C6orf118: variants seen among roughly 807,000 people sequenced by gnomAD.
C6orf118 encodes the protein uncharacterized protein C6orf118.
In C6orf118, 50 loss-of-function variants were observed where a neutral mutation model predicts 50.2. That is an observed-to-expected ratio of 1.00 (90% CI 0.79 to 1.26). C6orf118 has a LOEUF of 1.26. Among genes scored for constraint, C6orf118 ranks in the 50% most tolerant of loss-of-function variants. C6orf118 has a pLI of 0.00. For missense variants in C6orf118, 641 were observed against 578.7 expected, an observed-to-expected ratio of 1.11 and a Z score of -1.10; for synonymous variants, 239 against 230.9, an observed-to-expected ratio of 1.03 and a Z score of -0.32.
At chr6:165,282,285 A>T (rs1779753728) in intron 7 of C6orf118, among the ~76,000 whole-genome samples, 1 of 152,204 alleles carries the variant, frequency 6.6e-6, no homozygotes, top group South Asian at 2.1e-4. Flanking sequence ...AGAACTTCAA[A>T]AATTAATCAA....
intron 1 of C6orf118, among the ~76,000 whole-genome samples, chr6:165,306,935 G>A (rs925315384): frequency 5.9e-5 from 9 of 152,116 alleles, no homozygotes; most frequent in Admixed American, 1.3e-4. Context: ...CTGTGTGTGT[G>A]TGTATCCTGC....
At chr6:165,285,623 A>C (rs1211704188) in intron 7 of C6orf118, among the ~76,000 whole-genome samples, 1 of 152,146 alleles carries the variant, frequency 6.6e-6, no homozygotes, top group Non-Finnish European at 1.5e-5. Flanking sequence ...AAGATTAAGA[A>C]ACTCACTCAA....
intron 1 of C6orf118, among the ~76,000 whole-genome samples, chr6:165,307,278 G>T (rs1325687882): frequency 8.1e-6 from 1 of 123,714 alleles, no homozygotes; most frequent in African/African-American, 3.1e-5. Flanking sequence ...TACAACTCAG[G>T]CTGGGTGCAG....
chr6:165,299,885 T>G lies in C6orf118; in HGVS notation c.877-383A>C, dbSNP rs9457068. ...TTTTAGAAGAGATGGGGTTTCACCA[T>G]GTTGGCCAGGCTGGTCTTGAACTCC... On this transcript the variant is annotated intron_variant, in intron 3 of 8. Coordinates refer to ENST00000230301, the MANE Select transcript of C6orf118 (RefSeq NM_144980.4). Among the ~76,000 whole-genome samples, 1,032 of 152,274 alleles carry G rather than the reference T, an allele frequency of 6.8e-3. 11 individuals are homozygous for G. Among genetic ancestry groups the G allele is most frequent in the African/African-American group, 0.024 (977 of 41,556 alleles).
rs537927273 is a variant in C6orf118 at position 165,299,850 on chromosome 6, A to AT, written c.877-349dup. Among the ~76,000 whole-genome samples the AT allele has an allele frequency of 1.4e-4, 21 of 152,214 alleles. No individual in the cohort carries two copies. The East Asian group carries it at 3.9e-3, about 28-fold the overall frequency. On this transcript the variant is annotated intron_variant, in intron 3 of 8. Transcript: ENST00000230301. ...AGGCATGTGCCACCACGCCCAGCTA[A>AT]TTTTTGTATTTTTAGAAGAGATGGG... is the stretch of plus-strand genomic sequence containing the variant.
At position 165,290,039 on chromosome 6, in the gene C6orf118, T is replaced by C. The variant is rs1413670605; in HGVS notation, c.1149A>G (p.Glu383=). ...SESSEKHIID[E]NRLTLTEKVE... ...CCTTCTCAGTAAGAGTAAGTCGGTT[T>C]TCATCAATTATATGTTTCTCAGATG... The change falls in exon 7 of 9, where the codon GAA becomes GAG. Residue 383 remains glutamate, a synonymous_variant. Transcript: ENST00000230301. 6.2e-7 allele frequency: 1 copy of C among 1,604,090 alleles called. No homozygotes were observed. Among genetic ancestry groups the C allele is most frequent in the Non-Finnish European group, 8.5e-7 (1 of 1,176,134 alleles).
chr6:165,294,393 T>A (rs1780221288), intron 5 of C6orf118, among the ~76,000 whole-genome samples: 1 of 152,092 alleles, frequency 6.6e-6, no homozygotes, highest in Non-Finnish European at 1.5e-5. Flanking sequence ...TTTTATAGAT[T>A]TAAAGAGAAA....
At chr6:165,297,129 C>T (rs1322065446) in intron 5 of C6orf118, among the ~76,000 whole-genome samples, 1 of 152,028 alleles carries the variant, frequency 6.6e-6, no homozygotes, top group Non-Finnish European at 1.5e-5. Context: ...GACCTTAAGA[C>T]CAAATTGGAG....
intron 1 of C6orf118, among the ~76,000 whole-genome samples, chr6:165,306,788 T>A (rs552803152): frequency 6.6e-6 from 1 of 152,274 alleles, no homozygotes; most frequent in Admixed American, 6.5e-5. Context: ...AAATGCTTTT[T>A]CTTTTGATTG....
chr6:165,284,864 C>T (rs1187221449), intron 7 of C6orf118, among the ~76,000 whole-genome samples: 1 of 152,136 alleles, frequency 6.6e-6, no homozygotes. Flanking sequence ...CCAGCCACTA[C>T]AAAAACACAC....
chr6:165,301,345 A>G (rs93927), intron 2 of C6orf118, among the ~76,000 whole-genome samples: 52,864 of 144,832 alleles, frequency 0.37, 11,026 homozygotes, highest in African/African-American at 0.53. Context: ...AGAGCACTGC[A>G]CCCAGAGGCT....
chr6:165,293,084 A>G (rs1200985325), intron 6 of C6orf118: 1 of 271,726 alleles, frequency 3.7e-6, no homozygotes, highest in Non-Finnish European at 7.2e-6. Context: ...TCTAAATTGT[A>G]TACATTCAAA....
chr6:165,297,373 C>A, intron 5 of C6orf118, among the ~76,000 whole-genome samples: 1 of 149,936 alleles, frequency 6.7e-6, no homozygotes. Context: ...CACTGCACTC[C>A]AGCCTGGGCG....
chr6:165,296,929 C>T (rs1780330761), intron 5 of C6orf118, among the ~76,000 whole-genome samples: 2 of 152,180 alleles, frequency 1.3e-5, no homozygotes, highest in African/African-American at 4.8e-5. Context: ...ACAACAACCA[C>T]GAGGGCTTCT....
Position 165,290,028 on chromosome 6 carries a change from G to A in C6orf118, c.1160C>T (p.Thr387Ile), listed in dbSNP as rs1222237476. The A allele has an allele frequency of 1.9e-6, 3 of 1,608,234 alleles. No homozygotes were observed. The highest frequency in any genetic ancestry group is 2.2e-5 in the South Asian group (2 of 89,708). ...CTTCTTTTCAACCTTCTCAGTAAGA[G>A]TAAGTCGGTTTTCATCAATTATATG... ...EKHIIDENRLTLTEKVEKKRC... is the reference protein window; with the variant it reads ...EKHIIDENRLILTEKVEKKRC... The change falls in exon 7 of 9, where the codon ACT (threonine) becomes ATT (isoleucine). Residue 387 changes from threonine (T) to isoleucine (I), a missense_variant. Transcript: ENST00000230301.
chr6:165,281,456 C>G (rs1333501), intron 8 of C6orf118, 184 bp downstream of exon 8: 1,029,381 of 1,317,678 alleles, frequency 0.78, 404,822 homozygotes, highest in South Asian at 0.83. Flanking sequence ...TGCTCTAGTT[C>G]TTTTATCATG....
At chr6:165,285,827 A>G (rs767595557) in intron 7 of C6orf118, among the ~76,000 whole-genome samples, 7 of 152,072 alleles carry the variant, frequency 4.6e-5, no homozygotes, top group Non-Finnish European at 7.4e-5. Flanking sequence ...AAAGCTAGAA[A>G]GATCTCAAAT....
At chr6:165,280,191 A>T in intron 8 of C6orf118, 81 bp from the exon 9 acceptor site, 1 of 984,332 alleles carries the variant, frequency 1.0e-6, no homozygotes, top group Non-Finnish European at 1.5e-6. Context: ...ATAAGCATCT[A>T]TTTTAGACAC....
At chr6:165,297,852 T>C (rs1780364777) in intron 5 of C6orf118, 125 bp downstream of exon 5, 15 of 1,374,974 alleles carry the variant, frequency 1.1e-5, no homozygotes, top group Non-Finnish European at 1.5e-5. Context: ...ACAGGCATGA[T>C]ATTAGCAAAA....
Sources: allele counts gnomAD v4.1 joint callset (sites outside exome capture counted in the v4.1 genomes callset), GRCh38; gene constraint gnomAD v4.1.1; transcripts MANE v1.5; gene names NCBI Gene and HGNC (gene_info 2026-07-23, HGNC 2026-07-21).